The following DPH6 variants were observed in gnomAD, a reference collection of about 807,000 sequenced individuals.
The protein encoded by DPH6 is diphthamine biosynthesis 6.
A neutral mutation model predicts 38.2 loss-of-function variants in DPH6; 33 were observed. The observed-to-expected ratio is 0.86, with a 90% CI of 0.65 to 1.15. DPH6 has a LOEUF of 1.15. Among genes scored for constraint, DPH6 ranks in the 50% most tolerant of loss-of-function variants. The probability of loss-of-function intolerance (pLI) is 0.00; values close to 1 mark genes in which losing one functional copy is unlikely to be tolerated. For synonymous variants in DPH6, 108 were observed against 103.0 expected (o/e 1.05, Z -0.30); for missense variants, 325 against 320.0 (o/e 1.02, Z -0.12).
chr15:35,163,738 C>T, the DPH6 span, among the ~76,000 whole-genome samples: 1 of 151,866 alleles, frequency 6.6e-6, no homozygotes, highest in Non-Finnish European at 1.5e-5. Flanking sequence ...TTGCACATCA[C>T]TACCTTGTAA....
intron 3 of DPH6, among the ~76,000 whole-genome samples, chr15:35,269,837 C>T (rs1054203904): frequency 7.2e-6 from 1 of 138,066 alleles, no homozygotes; most frequent in Non-Finnish European, 1.5e-5. Flanking sequence ...GTCACCCAGG[C>T]TGGAGTGCAG....
intron 3 of DPH6, among the ~76,000 whole-genome samples, chr15:35,298,084 A>G (rs940719070): frequency 1.2e-4 from 19 of 152,130 alleles, no homozygotes; most frequent in Non-Finnish European, 2.8e-4. Flanking sequence ...ACTATATTAA[A>G]AAGCCACAAA....
intron 3 of DPH6, among the ~76,000 whole-genome samples, chr15:35,478,579 C>T (rs1305652727): frequency 6.6e-6 from 1 of 151,802 alleles, no homozygotes; most frequent in Non-Finnish European, 1.5e-5. Context: ...TGTATGAATT[C>T]AATATCATTA....
chr15:35,341,153 G>T (rs561513351), intron 3 of DPH6, among the ~76,000 whole-genome samples: 1 of 151,910 alleles, frequency 6.6e-6, no homozygotes, highest in Non-Finnish European at 1.5e-5. Context: ...TCTTTCCTCC[G>T]CTCAGTCTAT....
Position 35,542,965 on chromosome 15 carries a change from T to TATATATATAA in DPH6, c.24-459_24-458insTTATATATAT, listed in dbSNP as rs58422347. ...TAAGGAATATATATATATATATATA[T>TATATATATAA]AAAATAATTTCATAGAAATTATTGG... On this transcript the variant is annotated intron_variant, in intron 1 of 8. Coordinates refer to ENST00000256538, the MANE Select transcript of DPH6 (RefSeq NM_080650.4). 1.1e-3 allele frequency among the ~76,000 whole-genome samples: 85 copies of TATATATATAA among 76,168 alleles called. 6 individuals carry two copies. Among genetic ancestry groups the TATATATATAA allele is most frequent in the South Asian group, 3.5e-3 (6 of 1,706 alleles). 50.0% of individuals were successfully genotyped at this position (76,168 alleles called of 152,430 possible).
At chr15:35,438,889 G>C (rs1440947886) in intron 5 of DPH6, among the ~76,000 whole-genome samples, 2 of 152,132 alleles carry the variant, frequency 1.3e-5, no homozygotes, top group African/African-American at 4.8e-5. Context: ...GTAAAATAAA[G>C]CCAAAGGTTT....
intron 3 of DPH6, chr15:35,299,499 G>GCAGC (rs2052039830): frequency 2.8e-6 from 2 of 710,784 alleles, no homozygotes; most frequent in Admixed American, 1.9e-5. Flanking sequence ...CGCGGTGGCG[G>GCAGC]CAGCGCGGAG....
intron 3 of DPH6, among the ~76,000 whole-genome samples, chr15:35,284,352 C>CT (rs941258007): frequency 6.6e-6 from 1 of 152,050 alleles, no homozygotes; most frequent in Non-Finnish European, 1.5e-5. Flanking sequence ...TTAAGTGCTG[C>CT]TTTTTTTCCC....
In DPH6 at chr15:35,460,525, T is replaced by C. The variant is rs76774733; in HGVS notation, c.313-5705A>G. Among the ~76,000 whole-genome samples the C allele has an allele frequency of 2.3e-3, 348 of 152,330 alleles. 2 individuals carry two copies. Among genetic ancestry groups the C allele is most frequent in the African/African-American group, 8.2e-3 (339 of 41,572 alleles). ...GCCATTATCACTATAAATGATGATATATAAGTTCATCTCAGGAAATAAAGT... is the reference window on the plus strand; with the variant it reads ...GCCATTATCACTATAAATGATGATACATAAGTTCATCTCAGGAAATAAAGT... On this transcript the variant is annotated intron_variant, in intron 3 of 8. Transcript: ENST00000256538.
chr15:35,511,440 G>GA (rs140653323), intron 3 of DPH6, among the ~76,000 whole-genome samples: 6,236 of 152,088 alleles, frequency 0.041, 424 homozygotes, highest in African/African-American at 0.14. Flanking sequence ...AGATGAAAGA[G>GA]AAAAAGGAGA....
At chr15:35,425,624 T>C (rs565704110) in intron 5 of DPH6, among the ~76,000 whole-genome samples, 20 of 150,466 alleles carry the variant, frequency 1.3e-4, no homozygotes, top group African/African-American at 4.9e-4. Flanking sequence ...TATATACATA[T>C]CTAATGTACA....
chr15:35,171,972 AT>A, the DPH6 span, among the ~76,000 whole-genome samples: 1 of 152,054 alleles, frequency 6.6e-6, no homozygotes, highest in Admixed American at 6.6e-5. Flanking sequence ...GATTCAAGCA[AT>A]TCTCCTTCCT....
At chr15:35,397,386 T>C (rs1357688352) in intron 6 of DPH6, among the ~76,000 whole-genome samples, 1 of 152,180 alleles carries the variant, frequency 6.6e-6, no homozygotes, top group Non-Finnish European at 1.5e-5. Flanking sequence ...TCATAAGAAA[T>C]CTCAAAGAAT....
At chr15:35,458,152 G>T (rs1277825117) in intron 3 of DPH6, among the ~76,000 whole-genome samples, 1 of 151,522 alleles carries the variant, frequency 6.6e-6, no homozygotes, top group Non-Finnish European at 1.5e-5. Flanking sequence ...ATTTTTTATT[G>T]GTTCTTCCTC....
the DPH6 span, among the ~76,000 whole-genome samples, chr15:35,200,001 T>C: frequency 6.6e-6 from 1 of 151,956 alleles, no homozygotes; most frequent in Non-Finnish European, 1.5e-5. Flanking sequence ...TACAGTATAG[T>C]GGTCTCTCTC....
intron 3 of DPH6, among the ~76,000 whole-genome samples, chr15:35,259,060 G>A (rs750349232): frequency 7.9e-5 from 12 of 151,024 alleles, no homozygotes; most frequent in East Asian, 1.9e-4. Flanking sequence ...GCAGAGAATC[G>A]CTTGAACCCA....
At chr15:35,510,033 T>G (rs116257459) in intron 3 of DPH6, among the ~76,000 whole-genome samples, 2,722 of 152,200 alleles carry the variant, frequency 0.018, 83 homozygotes, top group African/African-American at 0.061. Flanking sequence ...CTGAGCAACA[T>G]AGCACGACCC....
chr15:35,408,623 A>G (rs1384665867), intron 6 of DPH6, among the ~76,000 whole-genome samples: 1 of 152,036 alleles, frequency 6.6e-6, no homozygotes, highest in Non-Finnish European at 1.5e-5. Flanking sequence ...GGAGTCAGAA[A>G]AAGAGTAGGA....
intron 6 of DPH6, among the ~76,000 whole-genome samples, chr15:35,393,616 G>C (rs2053088957): frequency 6.6e-6 from 1 of 151,994 alleles, no homozygotes. Flanking sequence ...CTTTCCTCTG[G>C]GTGTAGAGAG....
Sources: gnomAD v4.1 joint callset for allele counts (sites outside exome capture counted in the v4.1 genomes callset) on GRCh38, gnomAD v4.1.1 for gene constraint, MANE v1.5 for transcripts, NCBI Gene and HGNC (gene_info 2026-07-23, HGNC 2026-07-21) for gene names.